The following ME1 variants were observed in gnomAD, a reference collection of about 807,000 sequenced individuals.
ME1 encodes the protein malic enzyme 1, also known as NADP-dependent malic enzyme.
ME1 carries 74 observed loss-of-function variants against 66.4 expected under a neutral mutation model. The ratio of observed to expected loss-of-function variants is 1.11; its 90% CI spans 0.92 to 1.35. The LOEUF is 1.35. ME1 is among the 40% of genes most tolerant of loss of function. ME1 has a pLI of 0.00. For synonymous variants in ME1, 251 were observed against 235.6 expected, an observed-to-expected ratio of 1.07 and a Z score of -0.60; for missense variants, 750 against 694.1, an observed-to-expected ratio of 1.08 and a Z score of -0.90.
intron 3 of ME1, among the ~76,000 whole-genome samples, chr6:83,366,490 A>G (rs183349455): frequency 2.0e-5 from 3 of 152,306 alleles, no homozygotes; most frequent in East Asian, 1.9e-4. Context: ...GCCTTCAAAA[A>G]AGAAGGAAAC....
rs532471933 is a variant in ME1 at position 83,403,639 on chromosome 6, C to G, written c.212+4129G>C. 3.7e-4 allele frequency among the ~76,000 whole-genome samples: 56 copies of G among 152,204 alleles called. No homozygotes were observed. The Middle Eastern group carries it at 0.01, about 28-fold the overall frequency. On this transcript the variant is annotated intron_variant, in intron 2 of 13. Transcript: ENST00000369705. Reference sequence around the variant, plus strand: ...CATGCATTAGGTATTTATCCGAATGCTCTCCCTCTCCTTTCCTCCACCCCA... The same window carrying G: ...CATGCATTAGGTATTTATCCGAATGGTCTCCCTCTCCTTTCCTCCACCCCA...
At chr6:83,288,277 TAC>T (rs1767435264) in intron 6 of ME1, among the ~76,000 whole-genome samples, 1 of 152,220 alleles carries the variant, frequency 6.6e-6, no homozygotes, top group African/African-American at 2.4e-5. Flanking sequence ...CTAGGATTTT[TAC>T]AGTCCTAGGT....
intron 9 of ME1, among the ~76,000 whole-genome samples, chr6:83,234,494 C>T (rs1407837990): frequency 6.6e-6 from 1 of 152,138 alleles, no homozygotes; most frequent in Non-Finnish European, 1.5e-5. Flanking sequence ...GTTCTTTATT[C>T]CTTACTAGAC....
chr6:83,287,323 G>C (rs1160350732), intron 6 of ME1, among the ~76,000 whole-genome samples: 1 of 151,990 alleles, frequency 6.6e-6, no homozygotes, highest in East Asian at 1.9e-4. Context: ...CCCACCACAG[G>C]TCCCGGTGTT....
At chr6:83,243,253 A>T (rs1790540641) in intron 7 of ME1, among the ~76,000 whole-genome samples, 1 of 148,806 alleles carries the variant, frequency 6.7e-6, no homozygotes, top group Non-Finnish European at 1.5e-5. Context: ...CCTGGGCAAC[A>T]GAGAGAGATA....
At chr6:83,376,390 G>A (rs1583407436) in intron 3 of ME1, among the ~76,000 whole-genome samples, 1 of 151,822 alleles carries the variant, frequency 6.6e-6, no homozygotes. Context: ...AGCTACTTAG[G>A]AGACTGAGGC....
chr6:83,236,224 A>G (rs948106231), intron 9 of ME1, among the ~76,000 whole-genome samples: 2 of 152,138 alleles, frequency 1.3e-5, no homozygotes, highest in Admixed American at 6.5e-5. Flanking sequence ...ACATATCACT[A>G]TTATAATTAA....
chr6:83,341,143 A>G (rs560640334), intron 5 of ME1, among the ~76,000 whole-genome samples: 28 of 152,192 alleles, frequency 1.8e-4, no homozygotes, highest in South Asian at 4.1e-4. Flanking sequence ...CAATCAATCA[A>G]TCAATCATGA....
intron 12 of ME1, among the ~76,000 whole-genome samples, chr6:83,217,328 G>A (rs1341483246): frequency 6.6e-6 from 1 of 152,200 alleles, no homozygotes; most frequent in Non-Finnish European, 1.5e-5. Flanking sequence ...TGTGGATGCA[G>A]AGAGGGAGTA....
At chr6:83,315,265 T>C (rs1450354636) in intron 6 of ME1, 45 bp downstream of exon 6, 9 of 1,155,040 alleles carry the variant, frequency 7.8e-6, no homozygotes, top group African/African-American at 6.2e-5. Flanking sequence ...TAGTCTGTTA[T>C]GTTATTGTTA....
In ME1 at chr6:83,430,898, T is replaced by C. The variant is rs1300371835; in HGVS notation, c.57A>G (p.Thr19=). 7 of 1,603,048 alleles carry C rather than the reference T, an allele frequency of 4.4e-6. No homozygotes were observed. Among genetic ancestry groups the C allele is most frequent in the Non-Finnish European group, 6.0e-6 (7 of 1,175,236 alleles). ...RHTHQRGYLL[T]RNPHLNKDLA... ...TTACCTTGTTGAGGTGAGGGTTCCG[T>C]GTCAGCAGGTAGCCGCGCTGATGGG... Residue 19 remains threonine, a synonymous_variant, in exon 1 of 14, where the codon ACA becomes ACG. Coordinates refer to ENST00000369705, the MANE Select transcript of ME1 (RefSeq NM_002395.6).
rs869196328 is a variant in ME1, at chr6:83,275,764, C to CTT, written c.705-22028_705-22027dup. Among the ~76,000 whole-genome samples, 137 of 38,050 alleles carry CTT rather than the reference C, an allele frequency of 3.6e-3. 34 individuals are homozygous for CTT. Among genetic ancestry groups the CTT allele is most frequent in the African/African-American group, 0.015 (103 of 7,032 alleles). The allele number at this position is 38,050 out of a possible 152,430, so 25.0% of individuals were successfully genotyped here. A position where few individuals can be genotyped will look rare whatever the true frequency, so the allele number is the denominator to read the frequency against. On this transcript the variant is annotated intron_variant, in intron 6 of 13. Transcript: ENST00000369705. ...ACCGGTGTGAGCCACGGCGCCCGGC[C>CTT]TTTTTTTTTTTTTTTTTTTTTTTTT...
intron 2 of ME1, among the ~76,000 whole-genome samples, chr6:83,403,456 G>C (rs1252862286): frequency 6.6e-6 from 1 of 152,144 alleles, no homozygotes; most frequent in Non-Finnish European, 1.5e-5. Flanking sequence ...ATGAGGGAAA[G>C]GGAAAGGCAG....
At chr6:83,295,462 T>C (rs770077306) in intron 6 of ME1, among the ~76,000 whole-genome samples, 4 of 152,144 alleles carry the variant, frequency 2.6e-5, no homozygotes, top group Admixed American at 1.3e-4. Flanking sequence ...TGGATAGGAA[T>C]GAAGATCATT....
At chr6:83,398,139 G>C (rs934652451) in intron 3 of ME1, among the ~76,000 whole-genome samples, 3 of 152,118 alleles carry the variant, frequency 2.0e-5, no homozygotes, top group Non-Finnish European at 4.4e-5. Flanking sequence ...GTAGATTTTA[G>C]CATACTCACC....
At chr6:83,312,145 GC>G (rs1767942143) in intron 6 of ME1, among the ~76,000 whole-genome samples, 1 of 152,172 alleles carries the variant, frequency 6.6e-6, no homozygotes, top group South Asian at 2.1e-4. Flanking sequence ...GGGAACTACA[GC>G]CCTTTACCCA....
rs746037012 is a variant in ME1 at position 83,349,015 on chromosome 6, A to AAAAAC, written c.439-2682_439-2681insGTTTT. Among the ~76,000 whole-genome samples, 138 of 124,028 alleles carry AAAAAC rather than the reference A, an allele frequency of 1.1e-3. 9 individuals are homozygous for AAAAAC. Among genetic ancestry groups the AAAAAC allele is most frequent in the Middle Eastern group, 0.011 (2 of 178 alleles). The allele number at this position is 124,028 out of a possible 152,430, so 81.4% of individuals were successfully genotyped here. A position where few individuals can be genotyped will look rare whatever the true frequency, so the allele number is the denominator to read the frequency against. ...AAAAAAAAAAAACAAAAAACAAAAA[A>AAAAAC]CAGTGCATTCTTTCTTATTTCTTCA... On this transcript the variant is annotated intron_variant, in intron 4 of 13. Transcript: ENST00000369705.
chr6:83,288,130 T>G (rs1042958001), intron 6 of ME1, among the ~76,000 whole-genome samples: 2 of 152,202 alleles, frequency 1.3e-5, no homozygotes, highest in Non-Finnish European at 2.9e-5. Flanking sequence ...TAATAGTTTC[T>G]TTTGCTGTGC....
Position 83,351,968 on chromosome 6 carries a change from T to C in ME1, c.438+96A>G, listed in dbSNP as rs564861988. On this transcript the variant is annotated intron_variant, in intron 4 of 13. Transcript: ENST00000369705. ...ATTCACTAGAAAAGCTAATGAATGC[T>C]ACCTATTATCATGAGAATTGTCAGT... 8.3e-4 allele frequency: 508 copies of C among 612,560 alleles called. 1 individual carries two copies. The African/African-American group carries it at 9.1e-3, about 11-fold the overall frequency. 37.9% of individuals were successfully genotyped at this position (612,560 alleles called of 1,614,324 possible). A position where few individuals can be genotyped will look rare whatever the true frequency, so the allele number is the denominator to read the frequency against.
Sources: allele counts gnomAD v4.1 joint callset (sites outside exome capture counted in the v4.1 genomes callset), GRCh38; gene constraint gnomAD v4.1.1; transcripts MANE v1.5; gene names NCBI Gene and HGNC (gene_info 2026-07-23, HGNC 2026-07-21).